The following DISC1 variants were observed in gnomAD, a reference collection of about 807,000 sequenced individuals.
DISC1 encodes disrupted in schizophrenia 1 protein.
Under a neutral mutation model 84.5 loss-of-function variants are expected in DISC1, and 57 were observed. The observed-to-expected ratio is 0.67, with a 90% CI of 0.55 to 0.84. DISC1 has a LOEUF of 0.84. DISC1 is among the 40% of genes least tolerant of loss of function. The pLI is 0.00. For synonymous variants in DISC1, 411 were observed against 415.2 expected (o/e 0.99, Z 0.12); for missense variants, 1,000 against 1,057.8 (o/e 0.95, Z 0.76).
intron 10 of DISC1, among the ~76,000 whole-genome samples, chr1:231,964,379 C>A (rs1207231955): frequency 1.3e-5 from 2 of 152,200 alleles, no homozygotes; most frequent in Non-Finnish European, 2.9e-5. Context: ...CATACCTTAG[C>A]TACCTAGGAT....
chr1:231,718,007 A>C (rs1215585210), intron 3 of DISC1, among the ~76,000 whole-genome samples: 1 of 152,038 alleles, frequency 6.6e-6, no homozygotes, highest in Non-Finnish European at 1.5e-5. Context: ...ATTACAATGA[A>C]TGGCAAGTCA....
intron 10 of DISC1, among the ~76,000 whole-genome samples, chr1:231,967,892 T>C (rs1661331148): frequency 6.6e-6 from 1 of 151,914 alleles, no homozygotes; most frequent in African/African-American, 2.4e-5. Flanking sequence ...ATGGCGTGAA[T>C]TAAAAAGAGT....
chr1:231,926,421 G>A (rs916293931), intron 9 of DISC1, among the ~76,000 whole-genome samples: 3 of 152,136 alleles, frequency 2.0e-5, no homozygotes, highest in Admixed American at 6.6e-5. Flanking sequence ...GTATTGCAAC[G>A]TCAGTTATGG....
At chr1:232,008,546 G>A (rs917127923) in intron 10 of DISC1, among the ~76,000 whole-genome samples, 1 of 152,202 alleles carries the variant, frequency 6.6e-6, no homozygotes, top group Non-Finnish European at 1.5e-5. Context: ...AAATACATAG[G>A]ATTTTGGATG....
chr1:232,034,365 G>A (rs1357044510), intron 12 of DISC1, among the ~76,000 whole-genome samples: 1 of 152,184 alleles, frequency 6.6e-6, no homozygotes, highest in Non-Finnish European at 1.5e-5. Flanking sequence ...TATTTTACAA[G>A]TAGAATAATT....
chr1:231,953,923 C>T (rs1374308124), intron 9 of DISC1, among the ~76,000 whole-genome samples: 1 of 152,302 alleles, frequency 6.6e-6, no homozygotes, highest in Non-Finnish European at 1.5e-5. Context: ...GATAGCAAGT[C>T]TGCCTGGGTG....
intron 10 of DISC1, among the ~76,000 whole-genome samples, chr1:231,991,026 G>T (rs1187392570): frequency 6.6e-6 from 1 of 152,238 alleles, no homozygotes; most frequent in Non-Finnish European, 1.5e-5. Context: ...CGGCACCTGT[G>T]TGCCAAGCAG....
intron 9 of DISC1, chr1:231,818,862 C>T (rs772371873): frequency 1.4e-5 from 15 of 1,105,982 alleles, no homozygotes; most frequent in Middle Eastern, 4.1e-4. Context: ...CCCTTGGCTC[C>T]GTCTCCTTGT....
At chr1:231,977,035 G>T (rs1232297540) in intron 10 of DISC1, among the ~76,000 whole-genome samples, 1 of 152,086 alleles carries the variant, frequency 6.6e-6, no homozygotes, top group Non-Finnish European at 1.5e-5. Flanking sequence ...CCTTGCCAAA[G>T]GTCCAACAGG....
At chr1:231,820,811 G>A (rs536116922) in intron 9 of DISC1, among the ~76,000 whole-genome samples, 1 of 152,200 alleles carries the variant, frequency 6.6e-6, no homozygotes, top group Non-Finnish European at 1.5e-5. Flanking sequence ...TATGGTAACA[G>A]CTACTTGCAA....
At chr1:231,780,237 T>C (rs201247807) in intron 6 of DISC1, among the ~76,000 whole-genome samples, 1 of 103,952 alleles carries the variant, frequency 9.6e-6, no homozygotes. Context: ...TAAAGTATAA[T>C]AAAAAAAAAA....
chr1:231,955,310 C>T (rs1314935475), intron 9 of DISC1, among the ~76,000 whole-genome samples: 6 of 152,122 alleles, frequency 3.9e-5, no homozygotes, highest in Non-Finnish European at 8.8e-5. Flanking sequence ...CTCAGATATC[C>T]AACCTCACAC....
chr1:231,808,447 G>A (rs932958889), intron 8 of DISC1, among the ~76,000 whole-genome samples: 1 of 152,172 alleles, frequency 6.6e-6, no homozygotes, highest in East Asian at 1.9e-4. Flanking sequence ...CTCTCCCCTG[G>A]CCTTCCCCTT....
At chr1:231,819,039 A>C in intron 9 of DISC1, 1 of 989,810 alleles carries the variant, frequency 1.0e-6, no homozygotes, top group East Asian at 1.1e-4. Context: ...GAGGAGTTCA[A>C]GTGTTCCTGT....
intron 1 of DISC1, among the ~76,000 whole-genome samples, chr1:231,665,797 C>G (rs758690657): frequency 6.6e-6 from 1 of 152,212 alleles, no homozygotes; most frequent in Non-Finnish European, 1.5e-5. Flanking sequence ...CAAGGGTCAA[C>G]TGTACAATAG....
intron 9 of DISC1, among the ~76,000 whole-genome samples, chr1:231,936,223 G>A (rs2090973342): frequency 6.6e-6 from 1 of 152,094 alleles, no homozygotes; most frequent in Non-Finnish European, 1.5e-5. Context: ...CTTGACCTTG[G>A]ACATTCGGCC....
chr1:232,022,136 CT>C (rs1378759247), intron 11 of DISC1, among the ~76,000 whole-genome samples: 1 of 152,088 alleles, frequency 6.6e-6, no homozygotes, highest in Non-Finnish European at 1.5e-5. Context: ...GTAATAAACT[CT>C]GTTTTTTGAT....
At chr1:231,690,366 G>A (rs2064849392) in intron 1 of DISC1, among the ~76,000 whole-genome samples, 1 of 152,178 alleles carries the variant, frequency 6.6e-6, no homozygotes, top group African/African-American at 2.4e-5. Context: ...TGGACTAGAT[G>A]GGTGGAACGA....
intron 1 of DISC1, among the ~76,000 whole-genome samples, chr1:231,655,536 G>A (rs2125322000): frequency 6.6e-6 from 1 of 152,232 alleles, no homozygotes; most frequent in East Asian, 1.9e-4. Context: ...CTTTGCAATT[G>A]TGAATTGTGC....
Sources: allele counts gnomAD v4.1 joint callset (sites outside exome capture counted in the v4.1 genomes callset), GRCh38; gene constraint gnomAD v4.1.1; transcripts MANE v1.5; gene names NCBI Gene and HGNC (gene_info 2026-07-23, HGNC 2026-07-21).